DGCR8: variants seen among roughly 807,000 people sequenced by gnomAD.
The protein encoded by DGCR8 is microprocessor complex subunit DGCR8.
Under a neutral mutation model 78.5 loss-of-function variants are expected in DGCR8, and 14 were observed. The ratio of observed to expected loss-of-function variants is 0.18; its 90% CI spans 0.12 to 0.28. The LOEUF (loss-of-function observed/expected upper bound fraction) is 0.28. Among genes scored for constraint, DGCR8 ranks in the 10% least tolerant of loss-of-function variants. The pLI, the probability that DGCR8 is intolerant of heterozygous loss-of-function variation, is 1.00. For missense variants in DGCR8, 702 were observed against 1,022.5 expected (o/e 0.69, Z 4.28); for synonymous variants, 399 against 402.4 (o/e 0.99, Z 0.10).
Position 20,094,808 on chromosome 22 carries a change from G to A in DGCR8, c.1788+13G>A. ...TGAAGAACTCGAGGTGAGTGTTGTG[G>A]TCCTGCCCTGCTGGGAGCTGTGTGT... On this transcript the variant is annotated intron_variant, in intron 9 of 13. Transcript: ENST00000351989. The A allele has an allele frequency of 6.2e-7, 1 of 1,612,578 alleles. No individual in the cohort carries two copies. The highest frequency in any genetic ancestry group is 8.5e-7 in the Non-Finnish European group (1 of 1,178,580).
chr22:20,094,706 T>C lies in DGCR8; in HGVS notation c.1706-7T>C, dbSNP rs376917266. 6 of 1,613,672 alleles carry C rather than the reference T, an allele frequency of 3.7e-6. No individual in the cohort carries two copies. Among genetic ancestry groups the C allele is most frequent in the Middle Eastern group, 1.7e-4 (1 of 6,052 alleles). The stretch of plus-strand genomic sequence containing the variant: ...AAGCCTCACCCTCGGGCTCTTTTTT[T>C]TCATAGCCCGAGCTACACTGGAAAT... On this transcript the variant is annotated splice_region_variant and splice_polypyrimidine_tract_variant and intron_variant, in intron 8 of 13. Transcript: ENST00000351989.
At chr22:20,107,161 G>T in intron 11 of DGCR8, 110 bp from the exon 12 acceptor site, 1 of 1,232,240 alleles carries the variant, frequency 8.1e-7, no homozygotes, top group South Asian at 1.2e-5. Flanking sequence ...TGTAGAATGT[G>T]CCCTGGCTGG....
Position 20,086,796 on chromosome 22 carries a change from A to C in DGCR8, c.720+113A>C. ...TTAAAAAAAAAAAAAACAAAAACCA[A>C]AATCCCCTCTGAGGTGGAATAATGT... On this transcript the variant is annotated intron_variant, in intron 2 of 13. Coordinates refer to ENST00000351989, the MANE Select transcript of DGCR8 (RefSeq NM_022720.7). This position sits in a 1 kb window ranked among gnomAD's most constrained non-coding sequence, Gnocchi z 6.4. 8.3e-7 allele frequency: 1 copy of C among 1,207,942 alleles called. No homozygotes were observed. The highest frequency in any genetic ancestry group is 1.1e-6 in the Non-Finnish European group (1 of 872,634). The allele number at this position is 1,207,942 out of a possible 1,614,324, so 74.8% of individuals were successfully genotyped here.
chr22:20,093,226 A>T (rs1249095742), intron 8 of DGCR8, among the ~76,000 whole-genome samples: 1 of 152,040 alleles, frequency 6.6e-6, no homozygotes, highest in Non-Finnish European at 1.5e-5. Flanking sequence ...TAACACGGTG[A>T]AACCCTCTCT....
intron 9 of DGCR8, among the ~76,000 whole-genome samples, chr22:20,103,047 G>T (rs1390356018): frequency 1.3e-5 from 2 of 151,894 alleles, no homozygotes; most frequent in African/African-American, 2.4e-5. Flanking sequence ...CAGGAGAATC[G>T]CTTGAACCCA....
intron 9 of DGCR8, among the ~76,000 whole-genome samples, chr22:20,103,111 C>CT (rs952182300): frequency 6.6e-6 from 1 of 151,348 alleles, no homozygotes; most frequent in African/African-American, 2.4e-5. Flanking sequence ...GCACTCCAGC[C>CT]TGGGCAACAA....
Position 20,100,404 on chromosome 22 carries a change from T to C in DGCR8, c.1788+5609T>C, listed in dbSNP as rs117623006. The stretch of plus-strand genomic sequence containing the variant: ...TTCTGAGTGACCCAACCGTGGGAAA[T>C]ATGGCTCCCAGGGAGGCTTCCAAGG... On this transcript the variant is annotated intron_variant, in intron 9 of 13. Transcript: ENST00000351989. The C allele has an allele frequency of 5.8e-5, 57 of 985,326 alleles. No individual in the cohort carries two copies. The East Asian group carries it at 5.6e-3, about 96-fold the overall frequency. 61.0% of individuals were successfully genotyped at this position (985,326 alleles called of 1,614,324 possible).
chr22:20,091,175 C>A (rs907262353), intron 5 of DGCR8, among the ~76,000 whole-genome samples: 5 of 152,228 alleles, frequency 3.3e-5, no homozygotes, highest in Admixed American at 1.3e-4. Context: ...TTTAAGCTGT[C>A]TTTTTTCCTT....
Position 20,087,017 on chromosome 22 carries a change from T to C in DGCR8, c.721-145T>C. 2 of 1,099,516 alleles carry C rather than the reference T, an allele frequency of 1.8e-6. No homozygotes were observed. Among genetic ancestry groups the C allele is most frequent in the Non-Finnish European group, 2.6e-6 (2 of 771,500 alleles). The allele number at this position is 1,099,516 out of a possible 1,614,324, so 68.1% of individuals were successfully genotyped here. Reference sequence around the variant, plus strand: ...CTGGTAGCTTCATCCTGTTTGTTTTTCAGATGATCATGCACCCTAAGGGCA... The same window carrying C: ...CTGGTAGCTTCATCCTGTTTGTTTTCCAGATGATCATGCACCCTAAGGGCA... On this transcript the variant is annotated intron_variant, in intron 2 of 13. Transcript: ENST00000351989. The surrounding 1 kb of genome is among the most constrained non-coding windows in gnomAD (Gnocchi z 4.1).
chr22:20,090,365 A>G, intron 5 of DGCR8, 107 bp downstream of exon 5: 1 of 1,322,754 alleles, frequency 7.6e-7, no homozygotes, highest in Non-Finnish European at 1.0e-6. Context: ...CTTGTGAGCA[A>G]GGGGCTGTGC....
chr22:20,100,300 C>A, intron 9 of DGCR8: 2 of 939,066 alleles, frequency 2.1e-6, no homozygotes, highest in Non-Finnish European at 1.3e-6. Flanking sequence ...CTCTTGACCT[C>A]GTGATCCGTC....
intron 9 of DGCR8, among the ~76,000 whole-genome samples, chr22:20,105,566 T>A (rs2049759823): frequency 6.6e-6 from 1 of 152,234 alleles, no homozygotes; most frequent in Admixed American, 6.5e-5. Flanking sequence ...GTGTGGAATC[T>A]CCCCATCACC....
At position 20,085,938 on chromosome 22, in the gene DGCR8, G is replaced by A; in HGVS notation, c.-26G>A. 1 of 1,526,306 alleles carries A rather than the reference G, an allele frequency of 6.6e-7. No individual in the cohort carries two copies. The highest frequency in any genetic ancestry group is 8.7e-7 in the Non-Finnish European group (1 of 1,143,166). The allele number at this position is 1,526,306 out of a possible 1,614,324, so 94.5% of individuals were successfully genotyped here. ...TGAGGGCTTGTAAAACTCTGGTCTT[G>A]TAAACTAGTCTTAAGCGCTTTTAAT... is the stretch of plus-strand genomic sequence containing the variant. On this transcript the variant is annotated 5_prime_UTR_variant, in exon 2 of 14. Coordinates refer to ENST00000351989, the MANE Select transcript of DGCR8 (RefSeq NM_022720.7). This position sits in a 1 kb window ranked among gnomAD's most constrained non-coding sequence, Gnocchi z 6.2.
intron 8 of DGCR8, among the ~76,000 whole-genome samples, chr22:20,093,274 G>A (rs138402987): frequency 0.041 from 6,305 of 152,028 alleles, 175 homozygotes; most frequent in South Asian, 0.094. Context: ...GTGTGGTGGC[G>A]GGCACCTGTA....
Position 20,106,142 on chromosome 22 carries a change from G to C in DGCR8, c.1789-35G>C, listed in dbSNP as rs2049767178. 3 of 1,591,366 alleles carry C rather than the reference G, an allele frequency of 1.9e-6. No individual in the cohort carries two copies. The Admixed American group carries it at 5.0e-5, about 27-fold the overall frequency. On this transcript the variant is annotated intron_variant, in intron 9 of 13. Transcript: ENST00000351989. ...CAGCCATGAAGAGGCCGGTGGGCCTGGTGGGGACTCACAAGCCTCTGCTTT... is the reference window on the plus strand; with the variant it reads ...CAGCCATGAAGAGGCCGGTGGGCCTCGTGGGGACTCACAAGCCTCTGCTTT...
intron 11 of DGCR8, 101 bp from the exon 12 acceptor site, chr22:20,107,169 TG>T: frequency 7.4e-7 from 1 of 1,357,378 alleles, no homozygotes; most frequent in African/African-American, 1.4e-5. Flanking sequence ...GTGCCCTGGC[TG>T]GCCCTCGGGG....
Position 20,092,852 on chromosome 22 carries a change from T to A in DGCR8, c.1650T>A (p.Gly550=). The change falls in exon 8 of 14, where the codon GGT becomes GGA. Residue 550 remains glycine (G), a synonymous_variant. Transcript: ENST00000351989. ...EPFGASVTID[G]VTYGSGTASS... is the part of the protein sequence containing the mutation. ...TTGGTGCCTCGGTGACCATTGATGG[T>A]GTGACTTACGGATCTGGAACTGCAA... 1 of 1,613,846 alleles carries A rather than the reference T, an allele frequency of 6.2e-7. No homozygotes were observed. Among genetic ancestry groups the A allele is most frequent in the Non-Finnish European group, 8.5e-7 (1 of 1,179,846 alleles).
chr22:20,100,715 AAG>A, intron 9 of DGCR8: 1 of 985,402 alleles, frequency 1.0e-6, no homozygotes, highest in Non-Finnish European at 1.2e-6. Flanking sequence ...TCTGAGAAAG[AAG>A]AGGTTTCCCC....
chr22:20,091,300 T>A, intron 5 of DGCR8, 135 bp from the exon 6 acceptor site: 1 of 815,608 alleles, frequency 1.2e-6, no homozygotes, highest in Non-Finnish European at 2.0e-6. Context: ...CATTCTTTGC[T>A]TCCCTCCCCT....
Sources: allele counts gnomAD v4.1 joint callset (sites outside exome capture counted in the v4.1 genomes callset), GRCh38; gene constraint gnomAD v4.1.1; non-coding constraint Gnocchi (gnomAD v3.1); transcripts MANE v1.5; gene names NCBI Gene and HGNC (gene_info 2026-07-23, HGNC 2026-07-21).